The following MRE11 variants were observed in gnomAD, a reference collection of about 807,000 sequenced individuals.
MRE11 encodes the protein double-strand break repair protein MRE11.
MRE11 carries 62 observed loss-of-function variants against 91.7 expected under a neutral mutation model. That is an observed-to-expected ratio of 0.68 (90% confidence interval 0.55 to 0.84). The LOEUF (loss-of-function observed/expected upper bound fraction) is 0.84. MRE11 is among the 40% of genes least tolerant of loss of function. MRE11 has a pLI of 0.00. For missense variants in MRE11, 796 were observed against 852.9 expected (o/e 0.93, Z 0.83); for synonymous variants, 273 against 271.4 (o/e 1.01, Z -0.06).
rs189484196 is a variant in MRE11 at position 94,465,453 on chromosome 11, A to T, written c.1099-1214T>A. On this transcript the variant is annotated intron_variant, in intron 10 of 19. Coordinates refer to ENST00000323929, the MANE Select transcript of MRE11 (RefSeq NM_005591.4). Reference sequence around the variant, plus strand: ...CACTGTCACCCAGGCTGGAATGCAGAGGCACAATCTCAGCTCACTGCAACC... The same window carrying T: ...CACTGTCACCCAGGCTGGAATGCAGTGGCACAATCTCAGCTCACTGCAACC... 5.7e-3 allele frequency among the ~76,000 whole-genome samples: 823 copies of T among 145,634 alleles called. 5 individuals are homozygous for T. The highest frequency in any genetic ancestry group is 0.019 in the African/African-American group (742 of 38,854).
chr11:94,498,314 A>C, upstream of MRE11: 1 of 1,614,066 alleles, frequency 6.2e-7, no homozygotes, highest in Non-Finnish European at 8.5e-7. Flanking sequence ...TGCAGATATC[A>C]ATGCCCAAAC....
intron 15 of MRE11, 42 bp from the exon 16 acceptor site, chr11:94,445,935 G>T: frequency 2.1e-6 from 3 of 1,402,280 alleles, no homozygotes; most frequent in Non-Finnish European, 3.0e-6. Flanking sequence ...CCTATCAGCA[G>T]CTAAGGTTTA....
At chr11:94,465,238 G>C (rs1946530866) in intron 10 of MRE11, among the ~76,000 whole-genome samples, 1 of 152,098 alleles carries the variant, frequency 6.6e-6, no homozygotes, top group Non-Finnish European at 1.5e-5. Flanking sequence ...CTGTGCTTAG[G>C]AAAAGAAATG....
intron 14 of MRE11, among the ~76,000 whole-genome samples, chr11:94,449,661 T>C (rs1481361164): frequency 6.6e-6 from 1 of 152,234 alleles, no homozygotes. Context: ...GGTGATTTCA[T>C]TATTGTGCAA....
At chr11:94,422,568 A>C (rs1208016745) in intron 19 of MRE11, among the ~76,000 whole-genome samples, 1 of 152,192 alleles carries the variant, frequency 6.6e-6, no homozygotes, top group African/African-American at 2.4e-5. Flanking sequence ...TCCCACTGTT[A>C]ACTGGGCAAA....
At position 94,492,861 on chromosome 11, in the gene MRE11, G is replaced by C; in HGVS notation, c.-60C>G. 5.4e-6 allele frequency: 8 copies of C among 1,480,218 alleles called. No individual in the cohort carries two copies. Among genetic ancestry groups the C allele is most frequent in the Non-Finnish European group, 7.5e-6 (8 of 1,070,814 alleles). 91.7% of individuals were successfully genotyped at this position (1,480,218 alleles called of 1,614,324 possible). On this transcript the variant is annotated 5_prime_UTR_variant, in exon 2 of 20. Coordinates refer to ENST00000323929, the MANE Select transcript of MRE11 (RefSeq NM_005591.4). ...TCTTCTCCAAGAACCCCTGGGTACT[G>C]TACTCAAATGTCAGAAAATGCACTC... is the stretch of plus-strand genomic sequence containing the variant.
At chr11:94,444,691 T>C (rs1475418705) in intron 16 of MRE11, among the ~76,000 whole-genome samples, 2 of 152,216 alleles carry the variant, frequency 1.3e-5, no homozygotes, top group Non-Finnish European at 1.5e-5. Context: ...CTCACAACTC[T>C]ACTTGTGCAG....
At chr11:94,470,086 TTA>T (rs1198869904) in intron 9 of MRE11, among the ~76,000 whole-genome samples, 1 of 152,070 alleles carries the variant, frequency 6.6e-6, no homozygotes, top group Non-Finnish European at 1.5e-5. Flanking sequence ...CTAATACAGA[TTA>T]TTAGAAGCTA....
chr11:94,427,441 G>C lies in MRE11; in HGVS notation c.2070+2470C>G, dbSNP rs144777572. ...GAAAATCCACAACCAACATCATGCT[G>C]AACAAGCAAAAGCTAGAACCATTCT... On this transcript the variant is annotated intron_variant, in intron 19 of 19. Transcript: ENST00000323929. Among the ~76,000 whole-genome samples the C allele has an allele frequency of 3.2e-4, 48 of 152,182 alleles. No individual in the cohort carries two copies. The East Asian group carries it at 8.3e-3, about 26-fold the overall frequency.
upstream of MRE11, chr11:94,498,025 GT>G (rs1947441126): frequency 7.0e-7 from 1 of 1,430,598 alleles, no homozygotes; most frequent in East Asian, 2.3e-5. Context: ...TTTAGTTATT[GT>G]TTTGGTTTGA....
At chr11:94,440,430 T>A (rs1425741368) in intron 16 of MRE11, among the ~76,000 whole-genome samples, 53 of 145,642 alleles carry the variant, frequency 3.6e-4, no homozygotes, top group African/African-American at 1.0e-3. Context: ...CTCAAACATT[T>A]AAAAAAAAAA....
At chr11:94,432,462 G>C (rs949889283) in intron 18 of MRE11, among the ~76,000 whole-genome samples, 1 of 152,144 alleles carries the variant, frequency 6.6e-6, no homozygotes, top group Non-Finnish European at 1.5e-5. Flanking sequence ...CATCCCAATG[G>C]TTTTAAGTAC....
intron 4 of MRE11, among the ~76,000 whole-genome samples, chr11:94,481,516 G>A (rs1947012245): frequency 6.6e-6 from 1 of 152,134 alleles, no homozygotes; most frequent in Non-Finnish European, 1.5e-5. Context: ...TTGGCATGCA[G>A]AAATTTATTT....
At chr11:94,440,110 C>CT in intron 16 of MRE11, among the ~76,000 whole-genome samples, 1 of 152,328 alleles carries the variant, frequency 6.6e-6, no homozygotes, top group East Asian at 1.9e-4. Flanking sequence ...TCTTAACCAT[C>CT]ATGCTCTGCT....
chr11:94,439,596 C>T (rs984959888), intron 16 of MRE11, among the ~76,000 whole-genome samples: 2 of 152,194 alleles, frequency 1.3e-5, no homozygotes, highest in African/African-American at 2.4e-5. Context: ...GTCAGTACAA[C>T]ATTGTCAAAT....
intron 19 of MRE11, among the ~76,000 whole-genome samples, chr11:94,420,782 C>T (rs1565196485): frequency 6.6e-6 from 1 of 152,002 alleles, no homozygotes; most frequent in Non-Finnish European, 1.5e-5. Flanking sequence ...CCTGTAATCC[C>T]AGCACTTTGG....
chr11:94,511,016 T>C, the MRE11 span, among the ~76,000 whole-genome samples: 1 of 152,160 alleles, frequency 6.6e-6, no homozygotes, highest in Admixed American at 6.5e-5. Context: ...ATTAAATGAA[T>C]GAGGAGTGCC....
At chr11:94,434,686 T>G (rs1488327683) in intron 18 of MRE11, among the ~76,000 whole-genome samples, 1 of 152,156 alleles carries the variant, frequency 6.6e-6, no homozygotes, top group Non-Finnish European at 1.5e-5. Context: ...AGCTGCTTCT[T>G]CTAGCCCACA....
intron 6 of MRE11, 122 bp downstream of exon 6, chr11:94,478,613 A>T: frequency 9.1e-7 from 1 of 1,099,438 alleles, no homozygotes; most frequent in Non-Finnish European, 1.3e-6. Context: ...CATTTTTTAT[A>T]GTCACCAATA....
Sources: gnomAD v4.1 joint callset for allele counts (sites outside exome capture counted in the v4.1 genomes callset) on GRCh38, gnomAD v4.1.1 for gene constraint, MANE v1.5 for transcripts, NCBI Gene and HGNC (gene_info 2026-07-23, HGNC 2026-07-21) for gene names.